The following OPCML variants were observed in gnomAD, a reference collection of about 807,000 sequenced individuals.
OPCML encodes opioid binding protein/cell adhesion molecule like.
OPCML carries 13 observed loss-of-function variants against 37.8 expected under a neutral mutation model. That is an observed-to-expected ratio of 0.34 (90% CI 0.22 to 0.55). The LOEUF (loss-of-function observed/expected upper bound fraction) is 0.55, where lower values mean the gene tolerates loss of function less well. OPCML is among the 20% of genes least tolerant of loss of function. The pLI, the probability that OPCML is intolerant of heterozygous loss-of-function variation, is 0.91. For missense variants in OPCML, 341 were observed against 435.6 expected (o/e 0.78, Z 1.93); for synonymous variants, 176 against 168.8 (o/e 1.04, Z -0.33).
At chr11:132,865,114 T>C (rs558493509) in intron 2 of OPCML, among the ~76,000 whole-genome samples, 1 of 152,346 alleles carries the variant, frequency 6.6e-6, no homozygotes, top group Admixed American at 6.5e-5. Context: ...TTTTAAAAAA[T>C]ATTATGAAAT....
At chr11:133,052,429 C>T (rs557655701) in intron 1 of OPCML, among the ~76,000 whole-genome samples, 146 of 152,298 alleles carry the variant, frequency 9.6e-4, no homozygotes, top group African/African-American at 3.4e-3. Context: ...GGTCACTGCC[C>T]TCATAGAGCT....
At chr11:132,967,871 C>T (rs1038969211) in intron 1 of OPCML, among the ~76,000 whole-genome samples, 1 of 152,240 alleles carries the variant, frequency 6.6e-6, no homozygotes, top group Middle Eastern at 3.4e-3. Flanking sequence ...GTCTTTATTT[C>T]ACCTTCATTT....
intron 3 of OPCML, among the ~76,000 whole-genome samples, chr11:132,623,761 T>A (rs1260749885): frequency 6.6e-6 from 1 of 152,148 alleles, no homozygotes; most frequent in Non-Finnish European, 1.5e-5. Context: ...TTGAAATACA[T>A]TAAGATGATG....
chr11:132,822,128 G>A (rs777477442), intron 2 of OPCML, among the ~76,000 whole-genome samples: 8 of 152,222 alleles, frequency 5.3e-5, no homozygotes, highest in African/African-American at 1.2e-4. Context: ...GGAGACACCC[G>A]TGATACACTC....
At chr11:132,425,153 C>A (rs539046453) in intron 7 of OPCML, among the ~76,000 whole-genome samples, 3 of 152,202 alleles carry the variant, frequency 2.0e-5, no homozygotes, top group African/African-American at 7.2e-5. Flanking sequence ...ATGCACTAGG[C>A]TCTGCTTTCA....
rs1565468457 is a variant in OPCML, at chr11:133,140,910, AGAAGAAGAAGACGACGAC to A, written c.62-197918_62-197901del. ...ACGACGACGAAGACGACGACGACGA[AGAAGAAGAAGACGACGAC>A]GACGAAGAAGAAGAAGACGACGAAG... On this transcript the variant is annotated intron_variant, in intron 1 of 7. Transcript: ENST00000524381. Among the ~76,000 whole-genome samples, 13 of 14,304 alleles carry A rather than the reference AGAAGAAGAAGACGACGAC, an allele frequency of 9.1e-4. 3 individuals carry two copies. Among genetic ancestry groups the A allele is most frequent in the South Asian group, 5.5e-3 (2 of 364 alleles). 9.4% of individuals were successfully genotyped at this position (14,304 alleles called of 152,430 possible). A position where few individuals can be genotyped will look rare whatever the true frequency, so the allele number is the denominator to read the frequency against.
intron 1 of OPCML, among the ~76,000 whole-genome samples, chr11:133,046,522 C>T (rs1415085972): frequency 1.3e-5 from 2 of 152,180 alleles, no homozygotes; most frequent in African/African-American, 2.4e-5. Flanking sequence ...AGGAGCTTTT[C>T]ATCTAACATC....
chr11:132,728,894 G>T (rs1420628038), intron 2 of OPCML, among the ~76,000 whole-genome samples: 1 of 152,120 alleles, frequency 6.6e-6, no homozygotes, highest in South Asian at 2.1e-4. Context: ...CTACTGCCAG[G>T]TCTGTGCTCT....
chr11:133,130,843 T>C (rs1262180199), intron 1 of OPCML, among the ~76,000 whole-genome samples: 1 of 152,030 alleles, frequency 6.6e-6, no homozygotes, highest in Non-Finnish European at 1.5e-5. Flanking sequence ...TAAGAACAGA[T>C]AGGCTTTTCA....
intron 1 of OPCML, among the ~76,000 whole-genome samples, chr11:133,483,743 T>C (rs1353178905): frequency 4.7e-5 from 7 of 148,990 alleles, no homozygotes; most frequent in Non-Finnish European, 8.9e-5. Flanking sequence ...ATTAGATAGA[T>C]TCATAGATTC....
intron 1 of OPCML, among the ~76,000 whole-genome samples, chr11:133,326,454 T>C (rs983169836): frequency 3.8e-5 from 5 of 130,706 alleles, no homozygotes; most frequent in African/African-American, 1.5e-4. Flanking sequence ...TGTGTGTATG[T>C]GTGTGTGGGG....
At chr11:132,553,123 A>G (rs923070408) in intron 3 of OPCML, among the ~76,000 whole-genome samples, 1 of 152,194 alleles carries the variant, frequency 6.6e-6, no homozygotes, top group South Asian at 2.1e-4. Flanking sequence ...TGCTTCACAC[A>G]ATGAATTCAA....
At chr11:133,313,935 C>T (rs888025275) in intron 1 of OPCML, among the ~76,000 whole-genome samples, 2 of 152,138 alleles carry the variant, frequency 1.3e-5, no homozygotes, top group African/African-American at 2.4e-5. Flanking sequence ...TATTTATTTG[C>T]TATAAGAATA....
intron 1 of OPCML, among the ~76,000 whole-genome samples, chr11:133,304,358 C>T (rs1184129247): frequency 1.3e-5 from 2 of 152,196 alleles, no homozygotes; most frequent in Admixed American, 6.5e-5. Context: ...TACAAAAGAC[C>T]TGACAGGCCT....
intron 3 of OPCML, among the ~76,000 whole-genome samples, chr11:132,555,783 C>A (rs1476885012): frequency 6.6e-6 from 1 of 152,114 alleles, no homozygotes; most frequent in African/African-American, 2.4e-5. Context: ...CTGGTCTGAA[C>A]AAATAATGGC....
intron 2 of OPCML, among the ~76,000 whole-genome samples, chr11:132,819,354 T>TA (rs5795802): frequency 0.02 from 2,850 of 145,974 alleles, 88 homozygotes; most frequent in African/African-American, 0.067. Flanking sequence ...TTACTTTGGT[T>TA]AAAAAAAAAA....
At chr11:133,489,992 G>T (rs6590713) in intron 1 of OPCML, among the ~76,000 whole-genome samples, 53,804 of 151,910 alleles carry the variant, frequency 0.35, 12,467 homozygotes, top group African/African-American at 0.66. Flanking sequence ...GCAGCAACAT[G>T]CATGGAACTG....
chr11:132,676,393 A>T (rs1354722957), intron 2 of OPCML, among the ~76,000 whole-genome samples: 1 of 152,118 alleles, frequency 6.6e-6, no homozygotes, highest in African/African-American at 2.4e-5. Context: ...TCTTATATAT[A>T]ACACCTAAAG....
chr11:133,234,129 G>A (rs995000975), intron 1 of OPCML, among the ~76,000 whole-genome samples: 1 of 152,022 alleles, frequency 6.6e-6, no homozygotes, highest in East Asian at 1.9e-4. Context: ...GAATAGAATT[G>A]TTGACTTTTT....
Sources: gnomAD v4.1 joint callset for allele counts (sites outside exome capture counted in the v4.1 genomes callset) on GRCh38, gnomAD v4.1.1 for gene constraint, MANE v1.5 for transcripts, NCBI Gene and HGNC (gene_info 2026-07-23, HGNC 2026-07-21) for gene names.